Variants in SCML4 observed in about 807,000 individuals in gnomAD.
SCML4 encodes Scm polycomb group protein like 4.
A neutral mutation model predicts 41.1 loss-of-function variants in SCML4; 34 were observed. That is an observed-to-expected ratio of 0.83 (90% CI 0.63 to 1.10). The LOEUF is 1.10. Ranked by LOEUF, SCML4 falls within the 50% of genes least tolerant of loss-of-function variation. The pLI is 0.00. For missense variants in SCML4, 522 were observed against 534.1 expected (o/e 0.98, Z 0.22); for synonymous variants, 214 against 220.9 (o/e 0.97, Z 0.28).
the SCML4 span, among the ~76,000 whole-genome samples, chr6:107,831,827 G>C: frequency 6.6e-6 from 1 of 152,158 alleles, no homozygotes; most frequent in Non-Finnish European, 1.5e-5. Flanking sequence ...GCCGAAGTGG[G>C]AGGATCACAA....
intron 2 of SCML4, among the ~76,000 whole-genome samples, chr6:107,764,044 A>AG (rs1779840321): frequency 6.6e-6 from 1 of 152,214 alleles, no homozygotes; most frequent in Admixed American, 6.5e-5. Flanking sequence ...TTCTGAGGAG[A>AG]TGCTCCAGGG....
chr6:107,821,889 T>C (rs6910909), intron 1 of SCML4, among the ~76,000 whole-genome samples: 52,720 of 152,094 alleles, frequency 0.35, 11,356 homozygotes, highest in African/African-American at 0.62. Flanking sequence ...ATAAAGGATG[T>C]GTGGACACAT....
intron 2 of SCML4, among the ~76,000 whole-genome samples, chr6:107,750,264 C>T (rs866171732): frequency 3.9e-5 from 6 of 152,244 alleles, no homozygotes; most frequent in South Asian, 2.1e-4. Flanking sequence ...TGGGTCCTGC[C>T]GGAAAAGAGA....
chr6:107,711,582 C>T (rs1334738878), intron 6 of SCML4, among the ~76,000 whole-genome samples: 1 of 152,138 alleles, frequency 6.6e-6, no homozygotes, highest in Non-Finnish European at 1.5e-5. Context: ...CAGAATGTAT[C>T]CCATTGAGTG....
At chr6:107,708,082 C>A (rs1362318303) in intron 6 of SCML4, 71 bp from the exon 7 acceptor site, 1 of 1,502,290 alleles carries the variant, frequency 6.7e-7, no homozygotes, top group South Asian at 1.3e-5. Context: ...GTGCTGCCTG[C>A]CCCCACCTAG....
chr6:107,835,896 G>A, the SCML4 span, among the ~76,000 whole-genome samples: 6 of 152,264 alleles, frequency 3.9e-5, no homozygotes, highest in East Asian at 1.2e-3. Flanking sequence ...TACAGGAGAT[G>A]TATGTATGGC....
At chr6:107,807,646 CA>C (rs1180732301) in intron 1 of SCML4, among the ~76,000 whole-genome samples, 1 of 152,196 alleles carries the variant, frequency 6.6e-6, no homozygotes, top group Non-Finnish European at 1.5e-5. Context: ...TTTATTAGCA[CA>C]ATTCCCTGTA....
intron 1 of SCML4, among the ~76,000 whole-genome samples, chr6:107,801,077 T>G (rs1479995128): frequency 6.6e-6 from 1 of 152,136 alleles, no homozygotes; most frequent in East Asian, 1.9e-4. Flanking sequence ...ACTTTAAGAG[T>G]TTTTTATATT....
the SCML4 span, among the ~76,000 whole-genome samples, chr6:107,839,397 G>GAAAGAAAGAAAGAAAC: frequency 7.4e-6 from 1 of 135,158 alleles, no homozygotes; most frequent in African/African-American, 2.9e-5. Flanking sequence ...AAGAAAGAAA[G>GAAAGAAAGAAAGAAAC]AAAGAAAGAA....
chr6:107,779,591 G>T (rs1040536616), intron 1 of SCML4, among the ~76,000 whole-genome samples: 1 of 152,152 alleles, frequency 6.6e-6, no homozygotes, highest in Non-Finnish European at 1.5e-5. Flanking sequence ...TTAACTGCAT[G>T]GAGTGTGTTC....
intron 5 of SCML4, among the ~76,000 whole-genome samples, chr6:107,728,805 C>T (rs896130833): frequency 1.7e-4 from 26 of 152,154 alleles, no homozygotes; most frequent in African/African-American, 6.3e-4. Context: ...AGGTGGACAA[C>T]TGTCAAGACA....
intron 1 of SCML4, among the ~76,000 whole-genome samples, chr6:107,796,199 G>A (rs945785003): frequency 1.3e-5 from 2 of 152,120 alleles, no homozygotes; most frequent in African/African-American, 4.8e-5. Flanking sequence ...CCTGGGAGTG[G>A]AATTGTTGGT....
intron 2 of SCML4, among the ~76,000 whole-genome samples, chr6:107,754,964 C>T (rs191192708): frequency 6.7e-4 from 102 of 152,138 alleles, no homozygotes; most frequent in Middle Eastern, 3.4e-3. Context: ...ATTAGCCAGG[C>T]GTGGTGGCAT....
chr6:107,716,896 G>C (rs1162893465), intron 6 of SCML4, among the ~76,000 whole-genome samples: 1 of 151,940 alleles, frequency 6.6e-6, no homozygotes. Context: ...CCTTCCTTCC[G>C]TCTTCTCCCC....
At chr6:107,745,282 C>A in intron 4 of SCML4, 139 bp from the exon 5 acceptor site, 1 of 644,488 alleles carries the variant, frequency 1.6e-6, no homozygotes, top group Non-Finnish European at 2.7e-6. Flanking sequence ...CCTGTTTGTT[C>A]ACAATGTCCT....
At chr6:107,768,748 T>A (rs1201330033) in intron 2 of SCML4, among the ~76,000 whole-genome samples, 1 of 152,216 alleles carries the variant, frequency 6.6e-6, no homozygotes, top group Non-Finnish European at 1.5e-5. Flanking sequence ...ATATTTTGTA[T>A]GATTATGATT....
chr6:107,765,292 G>A (rs536920558), intron 2 of SCML4, among the ~76,000 whole-genome samples: 19 of 152,278 alleles, frequency 1.2e-4, no homozygotes, highest in South Asian at 2.1e-4. Flanking sequence ...TGGACCATCC[G>A]GGTACAGGCA....
At chr6:107,760,021 G>T (rs1055636460) in intron 2 of SCML4, among the ~76,000 whole-genome samples, 15 of 152,100 alleles carry the variant, frequency 9.9e-5, no homozygotes, top group Non-Finnish European at 2.2e-4. Flanking sequence ...CTTTAAATGG[G>T]TTACAGTTGT....
upstream of SCML4, among the ~76,000 whole-genome samples, chr6:107,828,782 G>T (rs770344378): frequency 6.6e-6 from 1 of 152,226 alleles, no homozygotes; most frequent in Admixed American, 6.5e-5. Flanking sequence ...CACAAGAGTG[G>T]GTGCCAGATC....
Sources: gnomAD v4.1 joint callset for allele counts (sites outside exome capture counted in the v4.1 genomes callset) on GRCh38, gnomAD v4.1.1 for gene constraint, MANE v1.5 for transcripts, NCBI Gene and HGNC (gene_info 2026-07-23, HGNC 2026-07-21) for gene names.